The following CNTNAP2 variants were observed in gnomAD, a reference collection of about 807,000 sequenced individuals.
CNTNAP2 encodes contactin-associated protein-like 2.
In CNTNAP2, 98 loss-of-function variants were observed where a neutral mutation model predicts 155.2. The ratio of observed to expected loss-of-function variants is 0.63; its 90% CI spans 0.54 to 0.75. The LOEUF is 0.75. CNTNAP2 is among the 30% of genes least tolerant of loss of function. The probability of loss-of-function intolerance (pLI) is 0.00; values close to 1 mark genes in which losing one functional copy is unlikely to be tolerated. For synonymous variants in CNTNAP2, 651 were observed against 631.2 expected, an observed-to-expected ratio of 1.03 and a Z score of -0.47; for missense variants, 1,727 against 1,688.1, an observed-to-expected ratio of 1.02 and a Z score of -0.40.
At chr7:147,239,043 C>T (rs537407600) in intron 8 of CNTNAP2, among the ~76,000 whole-genome samples, 8 of 152,016 alleles carry the variant, frequency 5.3e-5, no homozygotes, top group Non-Finnish European at 1.0e-4. Flanking sequence ...TACCATCCAA[C>T]TCAAAAGAAG....
At chr7:147,177,933 G>A (rs941203108) in intron 8 of CNTNAP2, among the ~76,000 whole-genome samples, 12 of 151,904 alleles carry the variant, frequency 7.9e-5, no homozygotes, top group South Asian at 6.2e-4. Context: ...AATACCTTAC[G>A]TCTAGGCTGT....
chr7:147,861,644 A>G (rs1019994337), intron 13 of CNTNAP2, among the ~76,000 whole-genome samples: 1 of 152,172 alleles, frequency 6.6e-6, no homozygotes, highest in Non-Finnish European at 1.5e-5. Context: ...GAAGATTCCC[A>G]AGTACTAAGA....
intron 3 of CNTNAP2, among the ~76,000 whole-genome samples, chr7:146,852,182 G>C (rs1049437738): frequency 6.6e-6 from 1 of 152,016 alleles, no homozygotes; most frequent in Non-Finnish European, 1.5e-5. Flanking sequence ...ACAACTAGTA[G>C]GCAAGTACTT....
At chr7:146,648,889 C>G (rs1303684769) in intron 1 of CNTNAP2, among the ~76,000 whole-genome samples, 3 of 151,962 alleles carry the variant, frequency 2.0e-5, no homozygotes, top group Non-Finnish European at 4.4e-5. Flanking sequence ...GGCTGATTAC[C>G]ATACTTCATA....
chr7:147,139,585 T>C (rs1193897189), intron 8 of CNTNAP2, among the ~76,000 whole-genome samples: 1 of 152,034 alleles, frequency 6.6e-6, no homozygotes, highest in African/African-American at 2.4e-5. Flanking sequence ...TGAGATAGTA[T>C]CATTGCCCAG....
chr7:146,850,246 C>T (rs994128990), intron 3 of CNTNAP2, among the ~76,000 whole-genome samples: 3 of 152,180 alleles, frequency 2.0e-5, no homozygotes, highest in Non-Finnish European at 4.4e-5. Flanking sequence ...AAATTCTGTC[C>T]ATTTCCAAAT....
At chr7:146,792,692 A>T (rs1338027040) in intron 2 of CNTNAP2, among the ~76,000 whole-genome samples, 5 of 152,218 alleles carry the variant, frequency 3.3e-5, no homozygotes, top group Admixed American at 2.0e-4. Context: ...AGACTCTGAG[A>T]TGGTGACATC....
intron 13 of CNTNAP2, among the ~76,000 whole-genome samples, chr7:147,769,195 T>A (rs1179307296): frequency 6.6e-6 from 1 of 152,108 alleles, no homozygotes; most frequent in African/African-American, 2.4e-5. Flanking sequence ...TACAATAGAA[T>A]CAAATTATGT....
At chr7:147,597,473 A>T (rs986516436) in intron 12 of CNTNAP2, among the ~76,000 whole-genome samples, 2 of 152,158 alleles carry the variant, frequency 1.3e-5, no homozygotes, top group African/African-American at 4.8e-5. Context: ...AAAATTACCC[A>T]TCCTATTGAA....
At chr7:147,493,734 G>A (rs557440394) in intron 11 of CNTNAP2, among the ~76,000 whole-genome samples, 4 of 152,130 alleles carry the variant, frequency 2.6e-5, no homozygotes, top group African/African-American at 9.6e-5. Flanking sequence ...CATTTTTCAC[G>A]CTTACAAAAT....
intron 8 of CNTNAP2, among the ~76,000 whole-genome samples, chr7:147,229,789 A>G (rs1294549928): frequency 1.3e-5 from 2 of 152,238 alleles, no homozygotes; most frequent in East Asian, 3.8e-4. Context: ...ACAAATACAT[A>G]TTATAACTGA....
chr7:146,686,387 A>T (rs1800600198), intron 1 of CNTNAP2, among the ~76,000 whole-genome samples: 1 of 152,180 alleles, frequency 6.6e-6, no homozygotes, highest in Non-Finnish European at 1.5e-5. Flanking sequence ...GCAGAATGCA[A>T]CATATTTCCA....
In CNTNAP2 at chr7:147,947,499, A is replaced by G. The variant is rs376376816; in HGVS notation, c.2256-30363A>G. 1.5e-3 allele frequency among the ~76,000 whole-genome samples: 224 copies of G among 150,120 alleles called. 3 individuals carry two copies. The highest frequency in any genetic ancestry group is 5.4e-3 in the African/African-American group (220 of 40,968). ...AAAAATTAGTTGGGCATTGTAGTGC[A>G]TGCCTGTGGTCCCAGGTTCTCAGGA... On this transcript the variant is annotated intron_variant, in intron 14 of 23. Transcript: ENST00000361727.
chr7:146,229,393 C>T (rs746967054), intron 1 of CNTNAP2, among the ~76,000 whole-genome samples: 36 of 152,126 alleles, frequency 2.4e-4, no homozygotes, highest in Admixed American at 6.5e-4. Context: ...GCAGATGCTA[C>T]GAGGACACCC....
chr7:147,035,342 A>G (rs1799134680), intron 3 of CNTNAP2, among the ~76,000 whole-genome samples: 2 of 152,350 alleles, frequency 1.3e-5, no homozygotes, highest in South Asian at 4.1e-4. Context: ...GAATATAGCT[A>G]GTCCTGGAAA....
In CNTNAP2 at chr7:146,819,032, T is replaced by G. The variant is rs1038024192; in HGVS notation, c.209-20679T>G. Among the ~76,000 whole-genome samples the G allele has an allele frequency of 2.0e-5, 3 of 152,270 alleles. No homozygotes were observed. In the East Asian group the frequency reaches 5.8e-4, roughly 29 times the overall value. ...TATTATTTATAATTTTACCTACTTTTAATCAATGTATATTCAGATTCATAT... is the reference window on the plus strand; with the variant it reads ...TATTATTTATAATTTTACCTACTTTGAATCAATGTATATTCAGATTCATAT... On this transcript the variant is annotated intron_variant, in intron 2 of 23. Transcript: ENST00000361727.
At chr7:146,543,219 C>T (rs564600746) in intron 1 of CNTNAP2, among the ~76,000 whole-genome samples, 1 of 151,738 alleles carries the variant, frequency 6.6e-6, no homozygotes, top group East Asian at 1.9e-4. Context: ...AAAAACTCTC[C>T]AGGTGATTCT....
intron 13 of CNTNAP2, among the ~76,000 whole-genome samples, chr7:147,722,460 A>G (rs758488778): frequency 5.3e-5 from 8 of 152,130 alleles, no homozygotes; most frequent in Non-Finnish European, 1.0e-4. Flanking sequence ...GGGTTCGACC[A>G]CAGTTACAGG....
At chr7:147,232,667 A>G (rs1274473491) in intron 8 of CNTNAP2, among the ~76,000 whole-genome samples, 2 of 152,256 alleles carry the variant, frequency 1.3e-5, no homozygotes, top group African/African-American at 4.8e-5. Flanking sequence ...GTATTATCCA[A>G]TGTAAAAAAT....
Sources: allele counts gnomAD v4.1 joint callset (sites outside exome capture counted in the v4.1 genomes callset), GRCh38; gene constraint gnomAD v4.1.1; transcripts MANE v1.5; gene names NCBI Gene and HGNC (gene_info 2026-07-23, HGNC 2026-07-21).